The following NAV3 variants were observed in gnomAD, a reference collection of about 807,000 sequenced individuals.
The protein encoded by NAV3 is pore membrane and/or filament interacting like protein 1.
In NAV3, 87 loss-of-function variants were observed where a neutral mutation model predicts 244.7. The ratio of observed to expected loss-of-function variants is 0.36; its 90% CI spans 0.30 to 0.42. The LOEUF (loss-of-function observed/expected upper bound fraction) is 0.42, where lower values mean the gene tolerates loss of function less well. Among genes scored for constraint, NAV3 ranks in the 20% least tolerant of loss-of-function variants. The pLI, the probability that NAV3 is intolerant of heterozygous loss-of-function variation, is 1.00. For missense variants in NAV3, 2,663 were observed against 2,893.3 expected, an observed-to-expected ratio of 0.92 and a Z score of 1.83; for synonymous variants, 1,126 against 1,042.2, an observed-to-expected ratio of 1.08 and a Z score of -1.55.
intron 15 of NAV3, 98 bp downstream of exon 15, chr12:78,120,043 A>C: frequency 1.3e-6 from 1 of 794,472 alleles, no homozygotes; most frequent in Non-Finnish European, 1.8e-6. Flanking sequence ...TATTTTAAAT[A>C]TGTATAAGGT....
At chr12:77,611,257 T>G (rs1292305509) in intron 2 of NAV3, among the ~76,000 whole-genome samples, 1 of 152,012 alleles carries the variant, frequency 6.6e-6, no homozygotes, top group East Asian at 1.9e-4. Context: ...ATTTTCTATT[T>G]ATTTTACTGG....
rs898196633 is a variant in NAV3 at position 77,710,634 on chromosome 12, C to T, written c.72+138368C>T. ...CATAATCATTATTTAATTAGCATAT[C>T]AATAAAAATGATGTGACTTTTTGAG... On this transcript the variant is annotated intron_variant, in intron 2 of 8. Transcript: ENST00000550042. Among the ~76,000 whole-genome samples, 3 of 152,088 alleles carry T rather than the reference C, an allele frequency of 2.0e-5. No individual in the cohort carries two copies. In the South Asian group the frequency reaches 6.2e-4, roughly 32 times the overall value.
At chr12:78,176,791 C>G (rs993908355) in intron 26 of NAV3, among the ~76,000 whole-genome samples, 1 of 151,990 alleles carries the variant, frequency 6.6e-6, no homozygotes, top group Non-Finnish European at 1.5e-5. Flanking sequence ...TTGATTGTAG[C>G]GCTAAAGTGG....
chr12:78,013,125 C>T (rs1048276038), intron 8 of NAV3, among the ~76,000 whole-genome samples: 1 of 152,076 alleles, frequency 6.6e-6, no homozygotes, highest in African/African-American at 2.4e-5. Context: ...TAAACCATAC[C>T]TTCTCTTCAG....
chr12:77,730,523 C>A (rs1385972241), intron 2 of NAV3, among the ~76,000 whole-genome samples: 1 of 151,808 alleles, frequency 6.6e-6, no homozygotes, highest in Non-Finnish European at 1.5e-5. Context: ...GTCTAGTATT[C>A]TAATTTATAT....
chr12:77,910,408 G>A (rs1304451704), intron 1 of NAV3, among the ~76,000 whole-genome samples: 1 of 152,082 alleles, frequency 6.6e-6, no homozygotes, highest in Non-Finnish European at 1.5e-5. Flanking sequence ...AGGGCACCAA[G>A]CCGTTCAGTA....
At chr12:78,023,057 CTA>C (rs2136839135) in intron 9 of NAV3, among the ~76,000 whole-genome samples, 1 of 152,172 alleles carries the variant, frequency 6.6e-6, no homozygotes, top group South Asian at 2.1e-4. Flanking sequence ...CAAAATAATG[CTA>C]TGTGTCTATT....
intron 1 of NAV3, among the ~76,000 whole-genome samples, chr12:77,833,370 CA>C (rs1874055031): frequency 1.3e-5 from 2 of 152,140 alleles, no homozygotes; most frequent in Non-Finnish European, 2.9e-5. Flanking sequence ...GAGAAGGATT[CA>C]GTTAAGTTTG....
chr12:78,199,208 T>TTCC, intron 36 of NAV3, 127 bp from the exon 37 acceptor site: 1 of 742,944 alleles, frequency 1.3e-6, no homozygotes, highest in East Asian at 3.0e-5. Flanking sequence ...GGCCACCAAT[T>TTCC]GAAATGGGAA....
chr12:77,740,187 C>A (rs149820256), intron 2 of NAV3, among the ~76,000 whole-genome samples: 87 of 152,128 alleles, frequency 5.7e-4, no homozygotes, highest in African/African-American at 2.0e-3. Context: ...ACCATTATAC[C>A]CTTACCATTT....
intron 2 of NAV3, among the ~76,000 whole-genome samples, chr12:77,655,415 A>T (rs974637986): frequency 1.3e-5 from 2 of 152,212 alleles, no homozygotes; most frequent in African/African-American, 4.8e-5. Flanking sequence ...AAAAAAGAAT[A>T]AAAAGAAACG....
At chr12:78,032,068 C>T (rs965378802) in intron 9 of NAV3, among the ~76,000 whole-genome samples, 3 of 151,968 alleles carry the variant, frequency 2.0e-5, no homozygotes, top group Non-Finnish European at 2.9e-5. Flanking sequence ...AATAACTGAG[C>T]CCCTGAAAAA....
At chr12:77,788,338 CT>C (rs1293230624) in intron 2 of NAV3, among the ~76,000 whole-genome samples, 1 of 152,208 alleles carries the variant, frequency 6.6e-6, no homozygotes, top group East Asian at 1.9e-4. Context: ...TACTTCTCAT[CT>C]GTGGCAGTGT....
intron 11 of NAV3, among the ~76,000 whole-genome samples, chr12:78,055,130 T>A (rs1006076587): frequency 1.3e-5 from 2 of 152,322 alleles, no homozygotes; most frequent in South Asian, 2.1e-4. Flanking sequence ...TAGTGAATAA[T>A]ATAGACATAG....
chr12:78,015,030 T>G (rs1239232284), intron 8 of NAV3, among the ~76,000 whole-genome samples: 1 of 152,080 alleles, frequency 6.6e-6, no homozygotes, highest in African/African-American at 2.4e-5. Flanking sequence ...GGCACTTTTG[T>G]GTAGAATACT....
At chr12:77,898,765 G>C (rs1220311810) in intron 1 of NAV3, among the ~76,000 whole-genome samples, 1 of 152,142 alleles carries the variant, frequency 6.6e-6, no homozygotes, top group African/African-American at 2.4e-5. Flanking sequence ...CTCACTCTAA[G>C]AAATACATTT....
chr12:78,175,516 G>A (rs1040936323), intron 25 of NAV3, 89 bp downstream of exon 25: 2 of 1,495,980 alleles, frequency 1.3e-6, no homozygotes, highest in African/African-American at 2.8e-5. Flanking sequence ...ATCTGCAGTA[G>A]TTTACAAAGG....
At chr12:77,841,441 A>G (rs1875631005) in intron 1 of NAV3, among the ~76,000 whole-genome samples, 1 of 152,220 alleles carries the variant, frequency 6.6e-6, no homozygotes, top group Admixed American at 6.5e-5. Flanking sequence ...GCATTGCACT[A>G]GTTAAGGTAA....
intron 1 of NAV3, among the ~76,000 whole-genome samples, chr12:77,934,980 CT>C (rs1228253167): frequency 6.6e-5 from 10 of 152,096 alleles, no homozygotes; most frequent in African/African-American, 2.4e-4. Context: ...AGTCTTTCCC[CT>C]ATCACTTCTC....
Sources: allele counts gnomAD v4.1 joint callset (sites outside exome capture counted in the v4.1 genomes callset), GRCh38; gene constraint gnomAD v4.1.1; transcripts MANE v1.5; gene names NCBI Gene and HGNC (gene_info 2026-07-23, HGNC 2026-07-21).